SBF2: variants seen among roughly 807,000 people sequenced by gnomAD.
SBF2 encodes the protein SET binding factor 2.
SBF2 carries 112 observed loss-of-function variants against 225.2 expected under a neutral mutation model. The ratio of observed to expected loss-of-function variants is 0.50; its 90% CI spans 0.43 to 0.58. SBF2 has a LOEUF of 0.58. Ranked by LOEUF, SBF2 falls within the 20% of genes least tolerant of loss-of-function variation. The pLI is 0.00. For synonymous variants in SBF2, 763 were observed against 773.3 expected (o/e 0.99, Z 0.22); for missense variants, 1,996 against 2,206.2 (o/e 0.90, Z 1.91).
At chr11:10,133,424 G>A (rs1007189942) in intron 2 of SBF2, among the ~76,000 whole-genome samples, 1 of 148,010 alleles carries the variant, frequency 6.8e-6, no homozygotes, top group South Asian at 2.1e-4. Flanking sequence ...TAGGCATGGC[G>A]GGCTGCAGGT....
intron 2 of SBF2, chr11:10,149,499 A>T (rs754364717): frequency 6.6e-6 from 1 of 152,182 alleles, no homozygotes; most frequent in Non-Finnish European, 1.5e-5. Flanking sequence ...CACACTACTA[A>T]CAACTTCTTT....
intron 1 of SBF2, among the ~76,000 whole-genome samples, chr11:10,279,329 C>T (rs1963229825): frequency 6.7e-6 from 1 of 149,614 alleles, no homozygotes. Context: ...AGGAGAATTG[C>T]TTGAACCCGG....
chr11:9,852,827 A>C, intron 20 of SBF2, 78 bp from the exon 21 acceptor site: 1 of 1,115,380 alleles, frequency 9.0e-7, no homozygotes, highest in South Asian at 1.2e-5. Flanking sequence ...TTTTAGAATT[A>C]AAAGTTAATT....
chr11:10,032,761 G>C (rs546310140), intron 3 of SBF2, among the ~76,000 whole-genome samples: 1 of 152,190 alleles, frequency 6.6e-6, no homozygotes, highest in Non-Finnish European at 1.5e-5. Context: ...TTTGTTCAAC[G>C]GTGATTTCCC....
At chr11:10,073,559 A>T (rs1363947602) in intron 2 of SBF2, among the ~76,000 whole-genome samples, 1 of 152,194 alleles carries the variant, frequency 6.6e-6, no homozygotes, top group Admixed American at 6.5e-5. Context: ...TCTACTAATA[A>T]TACAAAAACT....
rs1165660736 is a variant in SBF2 at position 9,940,397 on chromosome 11, T to A, written c.1860+21560A>T. On this transcript the variant is annotated intron_variant, in intron 16 of 39. Coordinates refer to ENST00000256190, the MANE Select transcript of SBF2 (RefSeq NM_030962.4). Reference sequence around the variant, plus strand: ...TCCAGCCTGGGCAACACAGCGAGACTCTGCCTCAAAAAAAAATTTTTTTTA... The same window carrying A: ...TCCAGCCTGGGCAACACAGCGAGACACTGCCTCAAAAAAAAATTTTTTTTA... 2.6e-5 allele frequency among the ~76,000 whole-genome samples: 4 copies of A among 152,164 alleles called. No homozygotes were observed. The East Asian group carries it at 7.7e-4, about 29-fold the overall frequency.
chr11:9,845,744 G>A lies in SBF2; in HGVS notation c.2935-4C>T, dbSNP rs1161935439. On this transcript the variant is annotated splice_polypyrimidine_tract_variant and splice_region_variant and intron_variant, in intron 23 of 39. Transcript: ENST00000256190. Reference sequence around the variant, plus strand: ...CATCAAATGCTACCTTAATCAACTAGAAGCAAAAGAGATTAAACACAAAAG... The same window carrying A: ...CATCAAATGCTACCTTAATCAACTAAAAGCAAAAGAGATTAAACACAAAAG... 1.2e-6 allele frequency: 2 copies of A among 1,613,268 alleles called. No homozygotes were observed. The highest frequency in any genetic ancestry group is 1.3e-5 in the African/African-American group (1 of 74,996).
chr11:9,788,967 G>C, intron 35 of SBF2, 142 bp downstream of exon 35: 1 of 720,128 alleles, frequency 1.4e-6, no homozygotes, highest in Non-Finnish European at 2.4e-6. Context: ...CTGATGATGG[G>C]GAGCAAATCT....
At chr11:9,905,913 T>G (rs533331004) in intron 16 of SBF2, among the ~76,000 whole-genome samples, 175 of 152,330 alleles carry the variant, frequency 1.1e-3, no homozygotes, top group Non-Finnish European at 2.1e-3. Flanking sequence ...AGGCAGTCAT[T>G]ACCTTGGAGT....
chr11:9,905,102 T>C (rs1042831626), intron 16 of SBF2, among the ~76,000 whole-genome samples: 1 of 152,232 alleles, frequency 6.6e-6, no homozygotes, highest in Non-Finnish European at 1.5e-5. Flanking sequence ...CAGCTCACAA[T>C]GCAATTAAGT....
At chr11:10,284,063 C>A (rs918482773) in intron 1 of SBF2, among the ~76,000 whole-genome samples, 1 of 152,112 alleles carries the variant, frequency 6.6e-6, no homozygotes, top group African/African-American at 2.4e-5. Flanking sequence ...ATCTTTCTAT[C>A]TTCCTTATAG....
At chr11:10,152,169 T>A (rs1426288518) in intron 2 of SBF2, among the ~76,000 whole-genome samples, 1 of 152,212 alleles carries the variant, frequency 6.6e-6, no homozygotes, top group African/African-American at 2.4e-5. Flanking sequence ...ATCCAATTTA[T>A]CTTAAAACAT....
At chr11:10,106,240 T>C (rs1370755759) in intron 2 of SBF2, among the ~76,000 whole-genome samples, 1 of 152,142 alleles carries the variant, frequency 6.6e-6, no homozygotes, top group East Asian at 1.9e-4. Context: ...AAATTATATC[T>C]CATTATACCT....
At chr11:10,220,069 A>T (rs904201272) in intron 1 of SBF2, among the ~76,000 whole-genome samples, 1 of 152,204 alleles carries the variant, frequency 6.6e-6, no homozygotes, top group Non-Finnish European at 1.5e-5. Flanking sequence ...AAGACACACC[A>T]GAGACTGCGT....
chr11:10,300,516 T>C (rs148129154), intron 1 of SBF2, among the ~76,000 whole-genome samples: 1 of 150,778 alleles, frequency 6.6e-6, no homozygotes, highest in Non-Finnish European at 1.5e-5. Context: ...AAGAAAAAAA[T>C]ATATATAAAT....
chr11:10,040,960 T>C (rs1276922639), intron 3 of SBF2, among the ~76,000 whole-genome samples: 2 of 152,110 alleles, frequency 1.3e-5, no homozygotes, highest in African/African-American at 2.4e-5. Flanking sequence ...CAAGAATTCC[T>C]AGAACCTATT....
chr11:9,948,548 C>G (rs1865689607), intron 16 of SBF2, among the ~76,000 whole-genome samples: 1 of 152,142 alleles, frequency 6.6e-6, no homozygotes, highest in Non-Finnish European at 1.5e-5. Flanking sequence ...CCTACTCCTG[C>G]TGCTAGCCAT....
chr11:9,831,798 C>T (rs1292713726), intron 27 of SBF2, among the ~76,000 whole-genome samples: 1 of 152,138 alleles, frequency 6.6e-6, no homozygotes, highest in Non-Finnish European at 1.5e-5. Context: ...GTGCGTATGA[C>T]TTGTAAGAGT....
intron 16 of SBF2, among the ~76,000 whole-genome samples, chr11:9,942,035 A>G (rs1865281279): frequency 6.6e-6 from 1 of 152,216 alleles, no homozygotes; most frequent in Non-Finnish European, 1.5e-5. Context: ...CTAACAATAA[A>G]TTTAACAAAA....
Sources: allele counts gnomAD v4.1 joint callset (sites outside exome capture counted in the v4.1 genomes callset), GRCh38; gene constraint gnomAD v4.1.1; transcripts MANE v1.5; gene names NCBI Gene and HGNC (gene_info 2026-07-23, HGNC 2026-07-21).